Variants in FRMD5 observed in about 807,000 individuals in gnomAD.
FRMD5 encodes FERM domain containing 5, also known as FERM domain-containing protein 5.
Under a neutral mutation model 69.0 loss-of-function variants are expected in FRMD5, and 20 were observed. The ratio of observed to expected loss-of-function variants is 0.29; its 90% CI spans 0.20 to 0.42. The LOEUF (loss-of-function observed/expected upper bound fraction) is 0.42. FRMD5 is among the 10% of genes least tolerant of loss of function. The pLI is 1.00. For missense variants in FRMD5, 595 were observed against 708.6 expected, an observed-to-expected ratio of 0.84 and a Z score of 1.82; for synonymous variants, 271 against 260.1, an observed-to-expected ratio of 1.04 and a Z score of -0.40.
At chr15:44,197,196 G>C (rs1250069355), upstream of FRMD5, among the ~76,000 whole-genome samples, 3 of 128,960 alleles carry the variant, frequency 2.3e-5, no homozygotes, top group African/African-American at 5.5e-5. Context: ...GCAAGACTCG[G>C]TCTAAAAAAA....
chr15:44,059,734 C>G (rs1235438748), intron 1 of FRMD5, among the ~76,000 whole-genome samples: 2 of 152,020 alleles, frequency 1.3e-5, no homozygotes, highest in African/African-American at 4.8e-5. Context: ...CCAGAATGGT[C>G]TCTATCTCCT....
Position 43,872,866 on chromosome 15 carries a change from A to T in FRMD5, c.*1019T>A. On this transcript the variant is annotated 3_prime_UTR_variant, in exon 14 of 14. Transcript: ENST00000417257. ...CAAAATATGAATTGTTAAGAAAATA[A>T]CATTTCGTTGTTAAAATATAAATTG... 1 of 313,264 alleles carries T rather than the reference A, an allele frequency of 3.2e-6. No homozygotes were observed. The highest frequency in any genetic ancestry group is 5.8e-6 in the Non-Finnish European group (1 of 172,364). The allele number at this position is 313,264 out of a possible 1,614,324, so 19.4% of individuals were successfully genotyped here. A position where few individuals can be genotyped will look rare whatever the true frequency, so the allele number is the denominator to read the frequency against.
At chr15:43,961,459 G>A (rs1390222726) in intron 1 of FRMD5, among the ~76,000 whole-genome samples, 2 of 152,116 alleles carry the variant, frequency 1.3e-5, no homozygotes, top group Non-Finnish European at 1.5e-5. Context: ...ATTTGCAGCC[G>A]AATTCTACCA....
chr15:43,876,238 G>A, intron 13 of FRMD5: 1 of 1,555,788 alleles, frequency 6.4e-7, no homozygotes, highest in South Asian at 1.2e-5. Flanking sequence ...TTTCCTTTGG[G>A]CGGCATCTTG....
chr15:44,144,498 A>G (rs2077325355), intron 1 of FRMD5, among the ~76,000 whole-genome samples: 1 of 152,140 alleles, frequency 6.6e-6, no homozygotes, highest in African/African-American at 2.4e-5. Flanking sequence ...ATGTGATACA[A>G]GAGTTTAATC....
chr15:44,172,390 G>A (rs1386060231), intron 1 of FRMD5, among the ~76,000 whole-genome samples: 1 of 150,416 alleles, frequency 6.6e-6, no homozygotes, highest in African/African-American at 2.4e-5. Context: ...AGTGCTGGGG[G>A]TTCAGGTGTG....
intron 4 of FRMD5, among the ~76,000 whole-genome samples, chr15:43,918,035 G>A (rs1184756926): frequency 3.9e-5 from 6 of 152,208 alleles, no homozygotes; most frequent in African/African-American, 1.4e-4. Flanking sequence ...TACTGATAAT[G>A]CCTGCTTCTT....
At chr15:43,972,075 A>T (rs1236832638) in intron 1 of FRMD5, among the ~76,000 whole-genome samples, 1 of 146,348 alleles carries the variant, frequency 6.8e-6, no homozygotes, top group Non-Finnish European at 1.5e-5. Context: ...CTTATATATA[A>T]ATATATATAT....
At chr15:43,978,646 G>A (rs891912979) in intron 1 of FRMD5, among the ~76,000 whole-genome samples, 2 of 152,210 alleles carry the variant, frequency 1.3e-5, no homozygotes, top group Non-Finnish European at 2.9e-5. Context: ...TCACCTCCCG[G>A]GTTCAAGTGA....
intron 1 of FRMD5, among the ~76,000 whole-genome samples, chr15:43,972,345 G>A (rs925177756): frequency 6.6e-6 from 1 of 151,904 alleles, no homozygotes; most frequent in Non-Finnish European, 1.5e-5. Flanking sequence ...TTCTCCTTTG[G>A]GTTAAATGGA....
intron 1 of FRMD5, among the ~76,000 whole-genome samples, chr15:44,170,054 A>G (rs762285254): frequency 6.6e-6 from 1 of 152,126 alleles, no homozygotes; most frequent in Non-Finnish European, 1.5e-5. Context: ...CTTCTCAAAT[A>G]CAGATTTCCC....
At position 43,996,350 on chromosome 15, in the gene FRMD5, G is replaced by A. The variant is rs528938651; in HGVS notation, c.103-72041C>T. ...GCCCAGTGTTGAGGAATGAGGCAAC[G>A]TCCGGTACTCACTCTCCTTCCCTCA... On this transcript the variant is annotated intron_variant, in intron 1 of 13. Transcript: ENST00000417257. Among the ~76,000 whole-genome samples, 6 of 152,264 alleles carry A rather than the reference G, an allele frequency of 3.9e-5. No homozygotes were observed. The South Asian group carries it at 1.0e-3, about 26-fold the overall frequency.
chr15:44,183,976 CAAA>C (rs71421823), intron 1 of FRMD5, among the ~76,000 whole-genome samples: 4 of 123,876 alleles, frequency 3.2e-5, no homozygotes, highest in Admixed American at 8.3e-5. Context: ...GTCTCCGTCT[CAAA>C]AAAAAAAAAA....
chr15:44,184,370 C>T (rs2078063850), intron 1 of FRMD5, among the ~76,000 whole-genome samples: 1 of 152,192 alleles, frequency 6.6e-6, no homozygotes, highest in African/African-American at 2.4e-5. Flanking sequence ...TTTCAGGAAT[C>T]TTTAGGTTGG....
chr15:44,041,848 C>A (rs997538705), intron 1 of FRMD5, among the ~76,000 whole-genome samples: 14 of 152,094 alleles, frequency 9.2e-5, no homozygotes, highest in Admixed American at 6.5e-5. Context: ...AAAATCAACA[C>A]CCTACCATCA....
At chr15:44,091,545 T>A (rs2076472848) in intron 1 of FRMD5, among the ~76,000 whole-genome samples, 1 of 152,162 alleles carries the variant, frequency 6.6e-6, no homozygotes, top group South Asian at 2.1e-4. Flanking sequence ...CACAAGAGAC[T>A]TTGGAAGAAG....
intron 1 of FRMD5, among the ~76,000 whole-genome samples, chr15:44,012,590 C>T (rs547064161): frequency 2.6e-5 from 4 of 152,134 alleles, no homozygotes; most frequent in African/African-American, 7.2e-5. Flanking sequence ...TGAACAGATA[C>T]GGTATTGAGA....
At chr15:43,919,889 C>A in intron 2 of FRMD5, 80 bp from the exon 3 acceptor site, 1 of 1,313,152 alleles carries the variant, frequency 7.6e-7, no homozygotes, top group Non-Finnish European at 1.1e-6. Context: ...ACTTAAAAAA[C>A]TAGACAGATT....
intron 1 of FRMD5, among the ~76,000 whole-genome samples, chr15:44,095,555 C>A (rs1378792038): frequency 6.6e-6 from 1 of 152,092 alleles, no homozygotes; most frequent in Non-Finnish European, 1.5e-5. Context: ...CCCTGAGCTT[C>A]ATGCCCAAAA....
Sources: allele counts gnomAD v4.1 joint callset (sites outside exome capture counted in the v4.1 genomes callset), GRCh38; gene constraint gnomAD v4.1.1; transcripts MANE v1.5; gene names NCBI Gene and HGNC (gene_info 2026-07-23, HGNC 2026-07-21).